SNTG1: variants seen among roughly 807,000 people sequenced by gnomAD.
SNTG1 encodes the protein syntrophin gamma 1, also known as gamma-1-syntrophin.
Under a neutral mutation model 74.7 loss-of-function variants are expected in SNTG1, and 39 were observed. The ratio of observed to expected loss-of-function variants is 0.52; its 90% confidence interval spans 0.40 to 0.68. The LOEUF (loss-of-function observed/expected upper bound fraction) is 0.68. SNTG1 is among the 30% of genes least tolerant of loss of function. The pLI is 0.00. For synonymous variants in SNTG1, 254 were observed against 217.1 expected, an observed-to-expected ratio of 1.17 and a Z score of -1.49; for missense variants, 685 against 609.5, an observed-to-expected ratio of 1.12 and a Z score of -1.30.
At chr8:50,087,432 T>A (rs1048795398) in intron 1 of SNTG1, among the ~76,000 whole-genome samples, 1 of 152,172 alleles carries the variant, frequency 6.6e-6, no homozygotes, top group Non-Finnish European at 1.5e-5. Context: ...TATAAATATT[T>A]GTTTCAATAA....
chr8:50,400,011 T>TACGATAGAGGGCAAAAGAGTGTGC (rs1452629628), intron 3 of SNTG1, among the ~76,000 whole-genome samples: 1 of 152,158 alleles, frequency 6.6e-6, no homozygotes, highest in Non-Finnish European at 1.5e-5. Flanking sequence ...TAAGAGTGTA[T>TACGATAGAGGGCAAAAGAGTGTGC]ATGATAGAGG....
At chr8:50,276,378 TA>T (rs1349214264) in intron 2 of SNTG1, among the ~76,000 whole-genome samples, 2 of 5,414 alleles carry the variant, frequency 3.7e-4, no homozygotes, top group Non-Finnish European at 5.2e-3. Flanking sequence ...AAATTTTATA[TA>T]TATATATATA....
intron 1 of SNTG1, among the ~76,000 whole-genome samples, chr8:49,992,721 C>T (rs57572245): frequency 0.045 from 6,788 of 152,180 alleles, 514 homozygotes; most frequent in African/African-American, 0.15. Context: ...GCTTTGCCAT[C>T]GCTGTATGGG....
rs1245439101 is a variant in SNTG1, at chr8:50,636,662, GA to G, written c.850-20244del. On this transcript the variant is annotated intron_variant, in intron 13 of 18. Transcript: ENST00000642720. ...GTATGGAGGAGAGGTGGCACTTAGT[GA>G]AACAATTCAAGATTTTCTTTCTACC... 9.2e-5 allele frequency among the ~76,000 whole-genome samples: 14 copies of G among 152,118 alleles called. No homozygotes were observed. The East Asian group carries it at 2.7e-3, about 29-fold the overall frequency.
intron 9 of SNTG1, among the ~76,000 whole-genome samples, chr8:50,525,498 A>T (rs1225231992): frequency 6.6e-6 from 1 of 152,046 alleles, no homozygotes; most frequent in Non-Finnish European, 1.5e-5. Context: ...GGACTTCTAT[A>T]AAGTGTCTAT....
rs562295936 is a variant in SNTG1, at chr8:50,326,164, C to A, written c.-27-68048C>A. Among the ~76,000 whole-genome samples, 22 of 151,928 alleles carry A rather than the reference C, an allele frequency of 1.4e-4. No individual in the cohort carries two copies. The South Asian group carries it at 4.6e-3, about 32-fold the overall frequency. On this transcript the variant is annotated intron_variant, in intron 2 of 18. Coordinates refer to ENST00000642720, the MANE Select transcript of SNTG1 (RefSeq NM_018967.5). ...CTGTCTTTGCCTGTAATTTTCTATTCTTGTAATGTCTTTATATTGTTTTTA... is the reference window on the plus strand; with the variant it reads ...CTGTCTTTGCCTGTAATTTTCTATTATTGTAATGTCTTTATATTGTTTTTA...
At chr8:50,140,687 C>A (rs1042591359) in intron 1 of SNTG1, among the ~76,000 whole-genome samples, 3 of 152,066 alleles carry the variant, frequency 2.0e-5, no homozygotes, top group African/African-American at 7.2e-5. Context: ...CTGCAGAGAC[C>A]AAGTGCCAAC....
intron 13 of SNTG1, among the ~76,000 whole-genome samples, chr8:50,632,966 C>T (rs1430758018): frequency 6.6e-6 from 1 of 152,114 alleles, no homozygotes; most frequent in Non-Finnish European, 1.5e-5. Context: ...AACCTCAGAC[C>T]TTTCATGGCC....
chr8:50,236,575 C>T (rs201511211), intron 2 of SNTG1, among the ~76,000 whole-genome samples: 4 of 151,538 alleles, frequency 2.6e-5, no homozygotes, highest in African/African-American at 9.7e-5. Context: ...CTCAGCCTCC[C>T]GAGTAGCTGG....
rs146459391 is a variant in SNTG1, at chr8:50,471,203, G to A, written c.363+20474G>A. Among the ~76,000 whole-genome samples the A allele has an allele frequency of 1.8e-4, 27 of 151,386 alleles. No homozygotes were observed. The East Asian group carries it at 3.9e-3, about 22-fold the overall frequency. On this transcript the variant is annotated intron_variant, in intron 8 of 18. Transcript: ENST00000642720. ...CAGCATAAATGTCCAGGTGTCAGCCGTGGTAGAAACATCCCAAGCAAGGTG... is the reference window on the plus strand; with the variant it reads ...CAGCATAAATGTCCAGGTGTCAGCCATGGTAGAAACATCCCAAGCAAGGTG...
intron 2 of SNTG1, among the ~76,000 whole-genome samples, chr8:50,378,520 G>A (rs2131207984): frequency 6.6e-6 from 1 of 152,252 alleles, no homozygotes; most frequent in African/African-American, 2.4e-5. Flanking sequence ...GGAAAAATGA[G>A]GTGTGCAGAC....
intron 1 of SNTG1, among the ~76,000 whole-genome samples, chr8:50,001,410 T>A (rs1444446810): frequency 1.3e-5 from 2 of 152,130 alleles, no homozygotes; most frequent in Non-Finnish European, 2.9e-5. Flanking sequence ...GGCCTTGAAC[T>A]GCTAGAAACT....
At chr8:50,399,210 AGTGT>A (rs5891363) in intron 3 of SNTG1, among the ~76,000 whole-genome samples, 10,396 of 150,956 alleles carry the variant, frequency 0.069, 369 homozygotes, top group Middle Eastern at 0.11. Flanking sequence ...TGTGTTTGTG[AGTGT>A]GTGTGTGTGT....
At chr8:50,588,154 A>T (rs1396055206) in intron 12 of SNTG1, among the ~76,000 whole-genome samples, 2 of 152,028 alleles carry the variant, frequency 1.3e-5, no homozygotes, top group Non-Finnish European at 2.9e-5. Context: ...GAAATGTTCT[A>T]ATTAGACCTA....
Position 50,792,784 on chromosome 8 carries a change from T to G in SNTG1, c.1509T>G (p.Thr503=), listed in dbSNP as rs766773780. Reference sequence around the variant, plus strand: ...TAGGCAATCAAGCTACTGCTTCTACTGCTGCCAGCTCTGCTACCACGAGCA... The same window carrying G: ...TAGGCAATCAAGCTACTGCTTCTACGGCTGCCAGCTCTGCTACCACGAGCA... ...LFLGNQATAS[T]AASSATTSKA... is the part of the protein sequence containing the mutation. The change falls in exon 19 of 19, where the codon ACT becomes ACG. Residue 503 remains threonine (T), a synonymous_variant. Transcript: ENST00000642720. The G allele has an allele frequency of 6.2e-7, 1 of 1,612,496 alleles. No individual in the cohort carries two copies. The highest frequency in any genetic ancestry group is 8.5e-7 in the Non-Finnish European group (1 of 1,178,898).
intron 9 of SNTG1, among the ~76,000 whole-genome samples, chr8:50,513,992 G>A (rs576155414): frequency 1.8e-4 from 28 of 152,262 alleles, no homozygotes; most frequent in East Asian, 1.4e-3. Context: ...GGAATCACCC[G>A]TCTTCTGCAT....
At chr8:50,038,931 C>G (rs760481941) in intron 1 of SNTG1, among the ~76,000 whole-genome samples, 1 of 152,118 alleles carries the variant, frequency 6.6e-6, no homozygotes, top group Non-Finnish European at 1.5e-5. Context: ...TGATCATGCC[C>G]CATCAGGTTG....
intron 15 of SNTG1, among the ~76,000 whole-genome samples, chr8:50,690,426 C>G (rs2095372645): frequency 6.6e-6 from 1 of 152,034 alleles, no homozygotes. Flanking sequence ...TGAATGTGTC[C>G]CAGAGTTTCT....
In SNTG1 at chr8:50,364,598, A is replaced by G. The variant is rs567350685; in HGVS notation, c.-27-29614A>G. ...ATCATAGCATTTTCTCTGAGACATA[A>G]CACCATTGCATTAATTACAGCACCT... On this transcript the variant is annotated intron_variant, in intron 2 of 18. Transcript: ENST00000642720. Among the ~76,000 whole-genome samples, 25 of 152,238 alleles carry G rather than the reference A, an allele frequency of 1.6e-4. No individual in the cohort carries two copies. The South Asian group carries it at 3.3e-3, about 20-fold the overall frequency.
Sources: gnomAD v4.1 joint callset for allele counts (sites outside exome capture counted in the v4.1 genomes callset) on GRCh38, gnomAD v4.1.1 for gene constraint, MANE v1.5 for transcripts, NCBI Gene and HGNC (gene_info 2026-07-23, HGNC 2026-07-21) for gene names.